SPICE1: variants seen among roughly 807,000 people sequenced by gnomAD.
SPICE1 encodes spindle and centriole-associated protein 1.
A neutral mutation model predicts 102.7 loss-of-function variants in SPICE1; 75 were observed. The ratio of observed to expected loss-of-function variants is 0.73; its 90% confidence interval spans 0.61 to 0.88. SPICE1 has a LOEUF of 0.88. Ranked by LOEUF, SPICE1 falls within the 40% of genes least tolerant of loss-of-function variation. The pLI is 0.00. For missense variants in SPICE1, 979 were observed against 1,020.1 expected (o/e 0.96, Z 0.55); for synonymous variants, 308 against 350.3 (o/e 0.88, Z 1.35).
intron 7 of SPICE1, among the ~76,000 whole-genome samples, chr3:113,482,430 AT>A (rs1936533076): frequency 6.6e-6 from 1 of 152,102 alleles, no homozygotes; most frequent in Non-Finnish European, 1.5e-5. Context: ...CTCTTTGTCA[AT>A]TTTGGCTTTT....
intron 2 of SPICE1, among the ~76,000 whole-genome samples, chr3:113,503,931 TAAAAAAAAAAA>T (rs34217669): frequency 1.5e-4 from 14 of 95,498 alleles, no homozygotes; most frequent in South Asian, 7.2e-4. Context: ...AGTTTCTATC[TAAAAAAAAAAA>T]AAAAAAAAAA....
chr3:113,456,117 G>T (rs912346821), intron 13 of SPICE1, among the ~76,000 whole-genome samples: 4 of 152,166 alleles, frequency 2.6e-5, no homozygotes, highest in Non-Finnish European at 5.9e-5. Context: ...GCACCATACT[G>T]ATCTGACAAA....
intron 7 of SPICE1, among the ~76,000 whole-genome samples, chr3:113,471,081 G>A (rs1369471306): frequency 1.3e-5 from 2 of 152,114 alleles, no homozygotes; most frequent in Non-Finnish European, 2.9e-5. Context: ...AAATGAAGCT[G>A]AAAATTGAAG....
Position 113,448,141 on chromosome 3 carries a change from C to G in SPICE1, c.2324-1G>C. On this transcript the variant is annotated splice_acceptor_variant, in intron 15 of 17. Coordinates refer to ENST00000295872, the MANE Select transcript of SPICE1 (RefSeq NM_144718.4). LOFTEE classifies it high-confidence loss of function. ...ACCTCAATTGTCCTCTTTGCTCCTT[C>G]TAAAATATAAAAATAAATATTAGTT... The G allele has an allele frequency of 6.3e-7, 1 of 1,588,964 alleles. No homozygotes were observed. The highest frequency in any genetic ancestry group is 8.5e-7 in the Non-Finnish European group (1 of 1,169,758).
intron 4 of SPICE1, 57 bp from the exon 5 acceptor site, chr3:113,494,199 G>C: frequency 7.8e-7 from 1 of 1,281,614 alleles, no homozygotes; most frequent in South Asian, 1.3e-5. Context: ...TTTTCAAATC[G>C]CAAAGGAAAA....
rs114076298 is a variant in SPICE1, at chr3:113,513,876, A to G, written c.-1+1021T>C. The stretch of plus-strand genomic sequence containing the variant: ...GGCACCAGATATAACAAGAAAGTAG[A>G]ATAGTCTATGCCCTTGCAGAGTTAA... On this transcript the variant is annotated intron_variant, in intron 1 of 17. Coordinates refer to ENST00000295872, the MANE Select transcript of SPICE1 (RefSeq NM_144718.4). Among the ~76,000 whole-genome samples the G allele has an allele frequency of 8.4e-3, 1,280 of 152,340 alleles. 23 individuals are homozygous for G. The highest frequency in any genetic ancestry group is 0.029 in the African/African-American group (1,209 of 41,568).
chr3:113,488,638 A>C (rs532896798), intron 7 of SPICE1, among the ~76,000 whole-genome samples: 2 of 152,190 alleles, frequency 1.3e-5, no homozygotes, highest in African/African-American at 4.8e-5. Flanking sequence ...AAAAAACTGC[A>C]TATTGGGTAC....
At chr3:113,464,186 T>C (rs1369757669) in intron 11 of SPICE1, among the ~76,000 whole-genome samples, 1 of 151,720 alleles carries the variant, frequency 6.6e-6, no homozygotes, top group Admixed American at 6.6e-5. Context: ...TTGTACATTT[T>C]AAAAGGGTGG....
chr3:113,464,968 T>C (rs924077729), intron 11 of SPICE1, among the ~76,000 whole-genome samples: 1 of 151,946 alleles, frequency 6.6e-6, no homozygotes, highest in Non-Finnish European at 1.5e-5. Context: ...TAGCTGGGTA[T>C]GGTGGTGTGC....
At chr3:113,460,889 A>AT in intron 11 of SPICE1, 125 bp from the exon 12 acceptor site, 6 of 693,714 alleles carry the variant, frequency 8.6e-6, no homozygotes, top group Non-Finnish European at 1.3e-5. Context: ...AAGGATATGT[A>AT]TGTATAATAT....
intron 6 of SPICE1, among the ~76,000 whole-genome samples, chr3:113,489,847 CAAAAAAA>C (rs35823502): frequency 2.5e-5 from 2 of 80,186 alleles, no homozygotes; most frequent in Non-Finnish European, 5.1e-5. Context: ...GACCCTGTCT[CAAAAAAA>C]AAAAAAAAAA....
chr3:113,454,283 ACCAGGAAAGG>A (rs1429812599), intron 13 of SPICE1, among the ~76,000 whole-genome samples: 2 of 152,182 alleles, frequency 1.3e-5, no homozygotes, highest in Non-Finnish European at 2.9e-5. Context: ...ACAGCAGATA[ACCAGGAAAGG>A]CCTCTCTGAG....
Position 113,468,762 on chromosome 3 carries a change from C to T in SPICE1, c.889G>A (p.Val297Met), listed in dbSNP as rs774913137. ...ATCTTTGTAAATTAAGGGACTGAAC[C>T]TTTATTTAACAGCTGTTTTTGCTTC... ...SRKQKQLLNKVKRKPNLHALS... is the reference protein window; with the variant it reads ...SRKQKQLLNKMKRKPNLHALS... Residue 297 changes from valine (V) to methionine (M), a missense_variant and splice_region_variant, in exon 9 of 18, where the codon GTG becomes ATG. Val to Met is a conservative substitution (Grantham distance 21). Coordinates refer to ENST00000295872, the MANE Select transcript of SPICE1 (RefSeq NM_144718.4). 1.6e-5 allele frequency: 25 copies of T among 1,611,548 alleles called. No individual in the cohort carries two copies. Among genetic ancestry groups the T allele is most frequent in the Non-Finnish European group, 1.8e-5 (21 of 1,179,362 alleles).
intron 4 of SPICE1, among the ~76,000 whole-genome samples, chr3:113,497,076 T>C (rs1171975481): frequency 1.3e-5 from 2 of 152,202 alleles, no homozygotes; most frequent in African/African-American, 2.4e-5. Flanking sequence ...TCTTTGTAAG[T>C]GGGAATGGCC....
intron 12 of SPICE1, chr3:113,459,362 C>T (rs1935870469): frequency 1.6e-6 from 1 of 637,810 alleles, no homozygotes; most frequent in Admixed American, 6.3e-5. Context: ...CCACTATTGT[C>T]CTACGACCCT....
chr3:113,472,824 C>T (rs920130627), intron 7 of SPICE1, among the ~76,000 whole-genome samples: 2 of 152,132 alleles, frequency 1.3e-5, no homozygotes, highest in Non-Finnish European at 2.9e-5. Context: ...GCTAAAACCA[C>T]AAAGATGGGG....
intron 12 of SPICE1, 153 bp downstream of exon 12, chr3:113,460,464 G>T (rs1935905031): frequency 1.0e-6 from 1 of 984,900 alleles, no homozygotes; most frequent in Non-Finnish European, 1.2e-6. Context: ...TCCAATATTA[G>T]CTGGAAAAGT....
At chr3:113,457,544 G>T (rs766356481) in intron 12 of SPICE1, among the ~76,000 whole-genome samples, 187 bp from the exon 13 acceptor site, 8 of 152,154 alleles carry the variant, frequency 5.3e-5, no homozygotes, top group African/African-American at 1.7e-4. Flanking sequence ...CTCCTGGGGG[G>T]CTAGTACTGA....
intron 3 of SPICE1, among the ~76,000 whole-genome samples, chr3:113,500,006 G>A (rs891331527): frequency 6.6e-6 from 1 of 151,828 alleles, no homozygotes; most frequent in African/African-American, 2.4e-5. Flanking sequence ...AATCCACCGA[G>A]TCATCTTTGG....
Sources: gnomAD v4.1 joint callset for allele counts (sites outside exome capture counted in the v4.1 genomes callset) on GRCh38, gnomAD v4.1.1 for gene constraint, MANE v1.5 for transcripts, NCBI Gene and HGNC (gene_info 2026-07-23, HGNC 2026-07-21) for gene names.